Variants in PIGG observed in about 807,000 individuals in gnomAD.
PIGG encodes phosphatidylinositol glycan anchor biosynthesis class G (EMM blood group).
In PIGG, 70 loss-of-function variants were observed where a neutral mutation model predicts 83.2. That is an observed-to-expected ratio of 0.84 (90% CI 0.69 to 1.03). The LOEUF (loss-of-function observed/expected upper bound fraction) is 1.03, where lower values mean the gene tolerates loss of function less well. Among genes scored for constraint, PIGG ranks in the 50% least tolerant of loss-of-function variants. The probability of loss-of-function intolerance (pLI) is 0.00; values close to 1 mark genes in which losing one functional copy is unlikely to be tolerated. For missense variants in PIGG, 1,257 were observed against 1,233.6 expected, an observed-to-expected ratio of 1.02 and a Z score of -0.28; for synonymous variants, 532 against 519.5, an observed-to-expected ratio of 1.02 and a Z score of -0.33.
At chr4:505,966 A>G (rs1553879009) in intron 3 of PIGG, 39 bp downstream of exon 3, 1 of 1,292,930 alleles carries the variant, frequency 7.7e-7, no homozygotes, top group East Asian at 2.4e-5. Context: ...ATACTAGAAT[A>G]TCATACTAGA....
intron 6 of PIGG, 37 bp downstream of exon 6, chr4:516,222 G>C: frequency 7.0e-7 from 1 of 1,424,138 alleles, no homozygotes; most frequent in Non-Finnish European, 9.9e-7. Flanking sequence ...TGTCAGAGCT[G>C]TGTGTTTCCA....
In PIGG at chr4:539,360, A is replaced by C. The variant is rs1731531319; in HGVS notation, c.2943A>C (p.Thr981=). ...CGGCAATGGATCAAACCAGACTCAC[A>C]CAGTCTTAGACTAAGCTGAACACTG... ...FFTAMDQTRL[T]QS is the part of the protein sequence containing the mutation. Residue 981 remains threonine (T), a synonymous_variant, in exon 13 of 13, where the codon ACA becomes ACC. Coordinates refer to ENST00000453061, the MANE Select transcript of PIGG (RefSeq NM_001127178.3). The C allele has an allele frequency of 1.9e-6, 3 of 1,588,644 alleles. No homozygotes were observed. The highest frequency in any genetic ancestry group is 2.6e-6 in the Non-Finnish European group (3 of 1,157,620).
Position 523,535 on chromosome 4 carries a change from G to C in PIGG, c.1691G>C (p.Ser564Thr). Residue 564 changes from serine (S) to threonine (T), a missense_variant, in exon 9 of 13, where the codon AGC becomes ACC. Transcript: ENST00000453061. ...TTGGGGACGGCGGGCCACGTCTTGA[G>C]CCTGGGCGCCAGCAGCTTCGTGGAG... ...ILLGTAGHVL[S>T]LGASSFVEEE... The C allele has an allele frequency of 6.2e-7, 1 of 1,614,190 alleles. No homozygotes were observed. The highest frequency in any genetic ancestry group is 8.5e-7 in the Non-Finnish European group (1 of 1,180,036).
chr4:507,381 T>C (rs782570246), intron 3 of PIGG, 24 bp from the exon 4 acceptor site: 3 of 1,577,064 alleles, frequency 1.9e-6, no homozygotes, highest in Non-Finnish European at 1.7e-6. Context: ...GTGAGTTGTT[T>C]ATACGTGTGT....
At chr4:507,375 G>C (rs1720093811) in intron 3 of PIGG, 30 bp from the exon 4 acceptor site, 1 of 1,544,446 alleles carries the variant, frequency 6.5e-7, no homozygotes, top group Non-Finnish European at 8.8e-7. Flanking sequence ...AATTAGGTGA[G>C]TTGTTTATAC....
chr4:504,091 G>A (rs1718745856), intron 2 of PIGG, among the ~76,000 whole-genome samples: 1 of 152,188 alleles, frequency 6.6e-6, no homozygotes, highest in Non-Finnish European at 1.5e-5. Flanking sequence ...TAGGAATGTT[G>A]GTGGCTGTTA....
Position 521,061 on chromosome 4 carries a change from G to C in PIGG, c.1120G>C (p.Gly374Arg). Reference sequence around the variant, plus strand: ...CCTTTCTGTCTTCTTAATAGATCCTGGGTTTGAGCAGTTTAAAATGTCAGA... The same window carrying C: ...CCTTTCTGTCTTCTTAATAGATCCTCGGTTTGAGCAGTTTAAAATGTCAGA... Reference protein sequence around the residue: ...ENVPSYEKDPGFEQFKMSERL... With the variant: ...ENVPSYEKDPRFEQFKMSERL... Residue 374 changes from glycine (G) to arginine (R), a missense_variant, in exon 7 of 13, where the codon GGG becomes CGG. Physicochemically the swap from Gly to Arg is moderately radical, Grantham distance 125. Coordinates refer to ENST00000453061, the MANE Select transcript of PIGG (RefSeq NM_001127178.3). 6.2e-7 allele frequency: 1 copy of C among 1,611,616 alleles called. No homozygotes were observed. Among genetic ancestry groups the C allele is most frequent in the African/African-American group, 1.3e-5 (1 of 74,998 alleles).
chr4:526,502 T>C (rs182142505), intron 9 of PIGG, among the ~76,000 whole-genome samples: 1 of 152,014 alleles, frequency 6.6e-6, no homozygotes, highest in Admixed American at 6.5e-5. Flanking sequence ...GCAGACCCTG[T>C]GAGGCCATGT....
intron 11 of PIGG, chr4:533,104 C>T (rs1385665044): frequency 6.5e-6 from 1 of 152,742 alleles, no homozygotes; most frequent in African/African-American, 2.4e-5. Context: ...GATCCAGAAT[C>T]ACTAGGAGCA....
rs895200747 is a variant in PIGG, at chr4:515,467, G to A, written c.902-506G>A. 3.9e-5 allele frequency among the ~76,000 whole-genome samples: 6 copies of A among 152,296 alleles called. No homozygotes were observed. The highest frequency in any genetic ancestry group is 2.0e-4 in the Admixed American group (3 of 15,300). On this transcript the variant is annotated intron_variant, in intron 5 of 12. Transcript: ENST00000453061. This position sits in a 1 kb window ranked among gnomAD's most constrained non-coding sequence, Gnocchi z 4.2. ...CCCAGCTGAACCTGCCTCATTCTGC[G>A]CTCCCCTATAGAAGCACCCACAGCT...
At chr4:522,327 C>A (rs926010711) in intron 8 of PIGG, 1 of 446,884 alleles carries the variant, frequency 2.2e-6, no homozygotes, top group African/African-American at 1.9e-5. Flanking sequence ...AAGAGACAAT[C>A]GGCCTGGACA....
chr4:503,223 G>T (rs1176783350), intron 2 of PIGG, among the ~76,000 whole-genome samples: 1 of 152,162 alleles, frequency 6.6e-6, no homozygotes. Flanking sequence ...CGTCGTCCAG[G>T]CTGCTGTGGG....
chr4:521,914 G>A lies in PIGG; in HGVS notation c.1587G>A (p.Val529=). 6.2e-7 allele frequency: 1 copy of A among 1,614,218 alleles called. No individual in the cohort carries two copies. The highest frequency in any genetic ancestry group is 8.5e-7 in the Non-Finnish European group (1 of 1,180,050). The change falls in exon 8 of 13, where the codon GTG becomes GTA. Residue 529 remains valine, a synonymous_variant. Transcript: ENST00000453061. The part of the protein sequence containing the change: ...LCVIVSVLTN[V]LVGGNTPRKN... ...TGATTGTGTCTGTTCTGACCAACGT[G>A]CTCGTGGGTGGAAACACCCCAAGGA...
intron 10 of PIGG, among the ~76,000 whole-genome samples, chr4:530,229 G>A (rs564662178): frequency 8.5e-5 from 13 of 152,214 alleles, no homozygotes; most frequent in South Asian, 2.1e-4. Context: ...GGCCTGTGGC[G>A]GCGGCTCCTC....
chr4:512,865 A>G (rs950328105), intron 5 of PIGG, among the ~76,000 whole-genome samples: 12 of 152,150 alleles, frequency 7.9e-5, no homozygotes, highest in Non-Finnish European at 7.4e-5. Flanking sequence ...GATATTCTCT[A>G]TTTGATGAGG....
At chr4:500,231 C>T (rs1717134416) in intron 1 of PIGG, among the ~76,000 whole-genome samples, 165 bp from the exon 2 acceptor site, 1 of 152,120 alleles carries the variant, frequency 6.6e-6, no homozygotes, top group South Asian at 2.1e-4. Context: ...CCCGTCCTTT[C>T]CCCCCAGCAC....
chr4:505,723 G>T lies in PIGG; in HGVS notation c.366G>T (p.Leu122Phe). 6.2e-7 allele frequency: 1 copy of T among 1,612,162 alleles called. No homozygotes were observed. Among genetic ancestry groups the T allele is most frequent in the South Asian group, 1.1e-5 (1 of 91,000 alleles). ...CTTGCATTTTCTGACTGCAGGCATT[G>T]ATGACGGGGAGCCTTCCTGGCTTTG... is the stretch of plus-strand genomic sequence containing the variant. ...PTVTMPRIKA[L>F]MTGSLPGFVD... The change falls in exon 3 of 13, where the codon TTG (leucine) becomes TTT (phenylalanine). Residue 122 changes from leucine (L) to phenylalanine (F), a missense_variant. Transcript: ENST00000453061.
chr4:530,227 G>A (rs1728689123), intron 10 of PIGG, among the ~76,000 whole-genome samples: 1 of 152,156 alleles, frequency 6.6e-6, no homozygotes, highest in Admixed American at 6.5e-5. Flanking sequence ...TGGGCCTGTG[G>A]CGGCGGCTCC....
In PIGG at chr4:539,036, C is replaced by T. The variant is rs771378004; in HGVS notation, c.2736-117C>T. 19 of 662,118 alleles carry T rather than the reference C, an allele frequency of 2.9e-5. No individual in the cohort carries two copies. In the Admixed American group the frequency reaches 3.1e-4, roughly 11 times the overall value. 41.0% of individuals were successfully genotyped at this position (662,118 alleles called of 1,614,324 possible). A position where few individuals can be genotyped will look rare whatever the true frequency, so the allele number is the denominator to read the frequency against. ...GGATGTGTGTGCAGAAGAAGGAACGCGGTGCCCTCTACTCCAAGGGCAAGA... is the reference window on the plus strand; with the variant it reads ...GGATGTGTGTGCAGAAGAAGGAACGTGGTGCCCTCTACTCCAAGGGCAAGA... On this transcript the variant is annotated intron_variant, in intron 12 of 12. Transcript: ENST00000453061.
Sources: gnomAD v4.1 joint callset for allele counts (sites outside exome capture counted in the v4.1 genomes callset) on GRCh38, gnomAD v4.1.1 for gene constraint, Gnocchi (gnomAD v3.1) non-coding constraint, MANE v1.5 for transcripts, NCBI Gene and HGNC (gene_info 2026-07-23, HGNC 2026-07-21) for gene names.